Variants in DUSP15 observed in about 807,000 individuals in gnomAD.
DUSP15 encodes the protein dual specificity phosphatase 15.
A neutral mutation model predicts 26.3 loss-of-function variants in DUSP15; 23 were observed. The observed-to-expected ratio is 0.87, with a 90% CI of 0.63 to 1.24. The LOEUF (loss-of-function observed/expected upper bound fraction) is 1.24. Among genes scored for constraint, DUSP15 ranks in the 50% most tolerant of loss-of-function variants. The pLI, the probability that DUSP15 is intolerant of heterozygous loss-of-function variation, is 0.00. For missense variants in DUSP15, 364 were observed against 320.6 expected (o/e 1.14, Z -1.03); for synonymous variants, 143 against 135.5 (o/e 1.06, Z -0.39).
At chr20:31,865,403 C>T (rs186057438) in intron 3 of DUSP15, among the ~76,000 whole-genome samples, 57 of 152,280 alleles carry the variant, frequency 3.7e-4, no homozygotes, top group Non-Finnish European at 6.3e-4. Flanking sequence ...ATCATGAAAA[C>T]AAGTATACAT....
rs1048281149 is a variant in DUSP15, at chr20:31,861,591, G to A, written c.520C>T (p.Arg174Cys). The A allele has an allele frequency of 6.7e-7, 1 of 1,495,586 alleles. No individual in the cohort carries two copies. Among genetic ancestry groups the A allele is most frequent in the South Asian group, 1.3e-5 (1 of 79,890 alleles). The allele number at this position is 1,495,586 out of a possible 1,614,324, so 92.6% of individuals were successfully genotyped here. A position where few individuals can be genotyped will look rare whatever the true frequency, so the allele number is the denominator to read the frequency against. ...GAGGTCGCGGAGCCCTGCCGGCAGC[G>A]CTTGCACAGCGGCAGCAGCGCGCGC... ...ELRALLPLCK[R>C]CRQGSATSAS... The change falls in exon 7 of 7, where the codon CGC becomes TGC. Residue 174 changes from arginine (R) to cysteine (C), a missense_variant. Physicochemically the swap from Arg to Cys is radical, Grantham distance 180 (BLOSUM62 -3). Coordinates refer to ENST00000339738, the MANE Select transcript of DUSP15 (RefSeq NM_080611.5).
upstream of DUSP15, chr20:31,870,556 C>A: frequency 2.1e-6 from 3 of 1,459,782 alleles, no homozygotes; most frequent in Non-Finnish European, 2.7e-6. The surrounding 1 kb of genome is among the most constrained non-coding windows in gnomAD (Gnocchi z 6.6). Context: ...GCCACCGCCG[C>A]CGCCGCAGGC....
Position 31,864,006 on chromosome 20 carries a change from G to T in DUSP15, c.189-25C>A, listed in dbSNP as rs778979204. The T allele has an allele frequency of 2.5e-6, 4 of 1,612,790 alleles. No individual in the cohort carries two copies. In the South Asian group the frequency reaches 4.4e-5, roughly 18 times the overall value. On this transcript the variant is annotated intron_variant, in intron 4 of 6. Transcript: ENST00000339738. Reference sequence around the variant, plus strand: ...GCTAGAGGAGAAAGCAATAGGGTAGGGAGCACTGCAGGGCAGACCTCTCAG... The same window carrying T: ...GCTAGAGGAGAAAGCAATAGGGTAGTGAGCACTGCAGGGCAGACCTCTCAG...
At position 31,870,452 on chromosome 20, in the gene DUSP15, G is replaced by T. The variant is rs1258681913; in HGVS notation, c.-115C>A. 2 of 1,286,798 alleles carry T rather than the reference G, an allele frequency of 1.6e-6. No individual in the cohort carries two copies. The highest frequency in any genetic ancestry group is 6.3e-5 in the East Asian group (2 of 31,730). The allele number at this position is 1,286,798 out of a possible 1,614,324, so 79.7% of individuals were successfully genotyped here. A position where few individuals can be genotyped will look rare whatever the true frequency, so the allele number is the denominator to read the frequency against. On this transcript the variant is annotated 5_prime_UTR_variant, in exon 1 of 7. Transcript: ENST00000339738. The surrounding 1 kb of genome is among the most constrained non-coding windows in gnomAD (Gnocchi z 6.6). Reference sequence around the variant, plus strand: ...CCTGCAGCCTGGCGGGGAACGGGGGGCCTGGCGTCCGCGGCCCTGCCCAGC... The same window carrying T: ...CCTGCAGCCTGGCGGGGAACGGGGGTCCTGGCGTCCGCGGCCCTGCCCAGC...
intron 6 of DUSP15, 25 bp from the exon 7 acceptor site, chr20:31,861,700 G>T (rs1208772191): frequency 3.9e-6 from 5 of 1,282,070 alleles, no homozygotes; most frequent in Non-Finnish European, 4.9e-6. Flanking sequence ...TGAGGTGGGC[G>T]GGGTCAAGGC....
intron 6 of DUSP15, among the ~76,000 whole-genome samples, chr20:31,853,495 G>C (rs1275916264): frequency 6.6e-6 from 1 of 151,886 alleles, no homozygotes; most frequent in Non-Finnish European, 1.5e-5. Context: ...AAATGTAAAA[G>C]GAGTGAGACC....
chr20:31,848,277 G>T, exon 10 of DUSP15: 1 of 1,126,938 alleles, frequency 8.9e-7, no homozygotes, highest in Non-Finnish European at 1.2e-6. Flanking sequence ...ACAGAGGAGT[G>T]GAAGGCCGCG....
chr20:31,846,338 AAGTG>A (rs1226667398), downstream of DUSP15, among the ~76,000 whole-genome samples: 2 of 151,744 alleles, frequency 1.3e-5, no homozygotes, highest in South Asian at 2.1e-4. Context: ...TATACGGAGA[AAGTG>A]AGAATCACTG....
chr20:31,867,631 GTTTTTTTTTTTTTT>G (rs57662463), intron 2 of DUSP15, among the ~76,000 whole-genome samples: 5 of 77,650 alleles, frequency 6.4e-5, no homozygotes, highest in Non-Finnish European at 1.1e-4. Flanking sequence ...TGCCCACAAT[GTTTTTTTTTTTTTT>G]TTTTTTTTTT....
intron 4 of DUSP15, chr20:31,864,305 G>T (rs2062722666): frequency 8.9e-7 from 1 of 1,120,992 alleles, no homozygotes; most frequent in Non-Finnish European, 1.1e-6. Flanking sequence ...GAAACACAGG[G>T]GTCCCACTCC....
chr20:31,849,181 T>C (rs949777231), intron 8 of DUSP15, among the ~76,000 whole-genome samples: 3 of 151,960 alleles, frequency 2.0e-5, no homozygotes, highest in Non-Finnish European at 4.4e-5. Context: ...CACCTATACC[T>C]ATCTCGTGCT....
intron 5 of DUSP15, 126 bp downstream of exon 5, chr20:31,863,781 C>T: frequency 1.1e-6 from 1 of 931,582 alleles, no homozygotes; most frequent in South Asian, 1.6e-5. Context: ...GGTGGGCCCT[C>T]AGGCACTGTG....
Position 31,861,399 on chromosome 20 carries a change from A to G in DUSP15, c.*4T>C. 1.3e-6 allele frequency: 2 copies of G among 1,549,698 alleles called. No individual in the cohort carries two copies. Among genetic ancestry groups the G allele is most frequent in the Non-Finnish European group, 1.7e-6 (2 of 1,158,414 alleles). On this transcript the variant is annotated 3_prime_UTR_variant, in exon 7 of 7. Coordinates refer to ENST00000339738, the MANE Select transcript of DUSP15 (RefSeq NM_080611.5). ...AAGTGGGGAGCCACGGCTGGACTGCATCCTCACTTGCCGCCCTTGCGGGAC... is the reference window on the plus strand; with the variant it reads ...AAGTGGGGAGCCACGGCTGGACTGCGTCCTCACTTGCCGCCCTTGCGGGAC...
chr20:31,849,242 C>T (rs1467092441), intron 8 of DUSP15, among the ~76,000 whole-genome samples: 1 of 152,064 alleles, frequency 6.6e-6, no homozygotes, highest in South Asian at 2.1e-4. Context: ...TGTACCGAAG[C>T]CCTATTCTTA....
At chr20:31,864,504 C>G (rs2062726215) in intron 4 of DUSP15, 1 of 969,496 alleles carries the variant, frequency 1.0e-6, no homozygotes, top group African/African-American at 1.8e-5. Context: ...GATCCTTGAC[C>G]TGTGTCATCT....
At chr20:31,864,305 G>A (rs2062722666) in intron 4 of DUSP15, 2 of 1,120,992 alleles carry the variant, frequency 1.8e-6, no homozygotes, top group Non-Finnish European at 2.2e-6. Context: ...GAAACACAGG[G>A]GTCCCACTCC....
Position 31,861,278 on chromosome 20 carries a change from G to T in DUSP15, c.*125C>A. The T allele has an allele frequency of 7.3e-7, 1 of 1,364,102 alleles. No homozygotes were observed. The highest frequency in any genetic ancestry group is 9.4e-7 in the Non-Finnish European group (1 of 1,065,234). 84.5% of individuals were successfully genotyped at this position (1,364,102 alleles called of 1,614,324 possible). On this transcript the variant is annotated 3_prime_UTR_variant, in exon 7 of 7. Transcript: ENST00000339738. ...ACGCGGACGAGCAGGGCGGGCGCGG[G>T]AGGCAGGGTTCAGGCCGCCGCGGGG...
At chr20:31,850,493 CTAT>C (rs759946221) in intron 7 of DUSP15, 22 of 1,030,022 alleles carry the variant, frequency 2.1e-5, no homozygotes, top group Non-Finnish European at 3.2e-5. Context: ...ACTGTTGTGG[CTAT>C]TATTGGGAGC....
At chr20:31,868,972 C>T (rs961425620) in intron 2 of DUSP15, among the ~76,000 whole-genome samples, 7 of 152,336 alleles carry the variant, frequency 4.6e-5, no homozygotes, top group Admixed American at 1.3e-4. Flanking sequence ...ACCGCCCCCC[C>T]AACTTCCAGC....
Sources: gnomAD v4.1 joint callset for allele counts (sites outside exome capture counted in the v4.1 genomes callset) on GRCh38, gnomAD v4.1.1 for gene constraint, Gnocchi (gnomAD v3.1) non-coding constraint, MANE v1.5 for transcripts, NCBI Gene and HGNC (gene_info 2026-07-23, HGNC 2026-07-21) for gene names.